The following TUFT1 variants were observed in gnomAD, a reference collection of about 807,000 sequenced individuals.
TUFT1 encodes the protein tuftelin 1.
In TUFT1, 43 loss-of-function variants were observed where a neutral mutation model predicts 57.8. The ratio of observed to expected loss-of-function variants is 0.74; its 90% CI spans 0.58 to 0.96. TUFT1 has a LOEUF of 0.96. Ranked by LOEUF, TUFT1 falls within the 40% of genes least tolerant of loss-of-function variation. The pLI, the probability that TUFT1 is intolerant of heterozygous loss-of-function variation, is 0.00. For synonymous variants in TUFT1, 166 were observed against 176.7 expected (o/e 0.94, Z 0.48); for missense variants, 459 against 489.0 (o/e 0.94, Z 0.58).
chr1:151,557,207 G>A (rs1558005793), intron 1 of TUFT1, among the ~76,000 whole-genome samples: 1 of 151,832 alleles, frequency 6.6e-6, no homozygotes, highest in Non-Finnish European at 1.5e-5. Context: ...TCCTGGTGTT[G>A]GCATTTTACT....
At chr1:151,580,246 T>C (rs976283932) in intron 11 of TUFT1, among the ~76,000 whole-genome samples, 3 of 152,252 alleles carry the variant, frequency 2.0e-5, no homozygotes, top group African/African-American at 7.2e-5. Context: ...GAAAGGGTTA[T>C]CTTTAGAGAG....
chr1:151,578,284 G>T (rs1202493478), intron 9 of TUFT1, among the ~76,000 whole-genome samples: 1 of 151,724 alleles, frequency 6.6e-6, no homozygotes, highest in Non-Finnish European at 1.5e-5. Flanking sequence ...CTTAGACTAG[G>T]TGATCCCTGA....
chr1:151,574,167 A>G (rs1666360992), intron 7 of TUFT1, 103 bp from the exon 8 acceptor site: 1 of 1,458,578 alleles, frequency 6.9e-7, no homozygotes, highest in South Asian at 1.4e-5. Context: ...TTCTCCCGTC[A>G]TGGCTCCAGA....
At chr1:151,566,814 G>A (rs574263973) in intron 6 of TUFT1, among the ~76,000 whole-genome samples, 1 of 151,898 alleles carries the variant, frequency 6.6e-6, no homozygotes, top group African/African-American at 2.4e-5. Flanking sequence ...TAACTAAAGA[G>A]TATATTATAA....
chr1:151,580,956 T>A lies in TUFT1; in HGVS notation c.1023T>A (p.His341Gln). The A allele has an allele frequency of 1.2e-6, 2 of 1,614,110 alleles. No homozygotes were observed. The highest frequency in any genetic ancestry group is 1.7e-6 in the Non-Finnish European group (2 of 1,180,010). Residue 341 changes from histidine (H) to glutamine (Q), a missense_variant, in exon 12 of 13, where the codon CAT becomes CAA. His to Gln is a conservative substitution (Grantham distance 24, BLOSUM62 0). Transcript: ENST00000368849. ...AYLEAENLEM[H>Q]DRMEHLIEKQ... is the part of the protein sequence containing the mutation. ...TTGTGTTACAGAATTTAGAGATGCA[T>A]GACCGGATGGAACACCTGATAGAAA...
At chr1:151,567,880 GT>G (rs1288036811) in intron 6 of TUFT1, among the ~76,000 whole-genome samples, 3 of 152,058 alleles carry the variant, frequency 2.0e-5, no homozygotes, top group South Asian at 4.1e-4. Context: ...GTGTTATTAT[GT>G]TTTTTTGTGA....
At chr1:151,553,060 G>A (rs1339834674) in intron 1 of TUFT1, among the ~76,000 whole-genome samples, 1 of 152,022 alleles carries the variant, frequency 6.6e-6, no homozygotes, top group African/African-American at 2.4e-5. Context: ...TGGAATGGGG[G>A]TCTTATGACT....
intron 7 of TUFT1, among the ~76,000 whole-genome samples, chr1:151,571,712 T>C (rs1250426614): frequency 6.6e-6 from 1 of 152,186 alleles, no homozygotes; most frequent in Non-Finnish European, 1.5e-5. Flanking sequence ...ATTTCTGCAC[T>C]GAGAGACATT....
chr1:151,543,317 T>TTA (rs750176146), intron 1 of TUFT1, among the ~76,000 whole-genome samples: 4 of 105,000 alleles, frequency 3.8e-5, no homozygotes, highest in African/African-American at 1.3e-4. Context: ...TTTATTTCAG[T>TTA]TATATATATA....
chr1:151,580,022 A>G (rs1295539719), intron 11 of TUFT1, among the ~76,000 whole-genome samples: 5 of 152,190 alleles, frequency 3.3e-5, no homozygotes, highest in African/African-American at 7.2e-5. Flanking sequence ...CTGACCCTCC[A>G]GGCTTTGCAA....
chr1:151,571,045 A>G (rs1277731739), intron 7 of TUFT1, among the ~76,000 whole-genome samples: 2 of 152,204 alleles, frequency 1.3e-5, no homozygotes, highest in Non-Finnish European at 2.9e-5. Flanking sequence ...GAGGTTAACC[A>G]TCTGTTACCT....
At chr1:151,571,647 G>A (rs1431553239) in intron 7 of TUFT1, among the ~76,000 whole-genome samples, 1 of 152,082 alleles carries the variant, frequency 6.6e-6, no homozygotes, top group Non-Finnish European at 1.5e-5. Context: ...AACAAAACAG[G>A]AAGAAAGGAA....
rs202212422 is a variant in TUFT1, at chr1:151,574,404, C to T, written c.723+6C>T. ...GCTTGCTAGGGATGGAGACGGTAAC[C>T]GGGGGATCTTGCTTGTCAGTGCCTG... On this transcript the variant is annotated splice_donor_region_variant and intron_variant, in intron 8 of 12. Coordinates refer to ENST00000368849, the MANE Select transcript of TUFT1 (RefSeq NM_020127.3). The T allele has an allele frequency of 2.8e-4, 451 of 1,613,784 alleles. 2 individuals are homozygous for T. The highest frequency in any genetic ancestry group is 5.0e-4 in the Middle Eastern group (3 of 6,024).
chr1:151,547,793 G>A (rs1488518055), intron 1 of TUFT1, among the ~76,000 whole-genome samples: 1 of 152,216 alleles, frequency 6.6e-6, no homozygotes. Context: ...CTCCTTCAGA[G>A]TTGGTTCAGG....
intron 6 of TUFT1, among the ~76,000 whole-genome samples, chr1:151,568,107 A>G (rs1408950609): frequency 6.6e-6 from 1 of 151,896 alleles, no homozygotes; most frequent in Non-Finnish European, 1.5e-5. Context: ...TTAGTTGGGT[A>G]TGTTTTTGCA....
At chr1:151,550,154 C>T (rs537549016) in intron 1 of TUFT1, among the ~76,000 whole-genome samples, 2 of 152,310 alleles carry the variant, frequency 1.3e-5, no homozygotes, top group East Asian at 3.9e-4. Flanking sequence ...GCCTCAGCCT[C>T]CCAGGCAACT....
chr1:151,557,833 G>A (rs1665759320), intron 1 of TUFT1: 1 of 749,776 alleles, frequency 1.3e-6, no homozygotes, highest in East Asian at 2.5e-5. Context: ...CAGACGGAGT[G>A]CTGTGCCGCC....
chr1:151,555,310 CAG>C (rs1160763112), intron 1 of TUFT1, among the ~76,000 whole-genome samples: 1 of 141,690 alleles, frequency 7.1e-6, no homozygotes, highest in Non-Finnish European at 1.5e-5. Flanking sequence ...GCCTGGGTAA[CAG>C]AATGAGACTC....
chr1:151,553,669 GT>G (rs1298676083), intron 1 of TUFT1, among the ~76,000 whole-genome samples: 1 of 152,178 alleles, frequency 6.6e-6, no homozygotes, highest in African/African-American at 2.4e-5. Flanking sequence ...GTTGGGTAGA[GT>G]AACTAGTGGT....
Sources: allele counts gnomAD v4.1 joint callset (sites outside exome capture counted in the v4.1 genomes callset), GRCh38; gene constraint gnomAD v4.1.1; transcripts MANE v1.5; gene names NCBI Gene and HGNC (gene_info 2026-07-23, HGNC 2026-07-21).